AP3D1: variants seen among roughly 807,000 people sequenced by gnomAD.
The protein encoded by AP3D1 is AP-3 complex subunit delta-1.
In AP3D1, 51 loss-of-function variants were observed where a neutral mutation model predicts 147.6. The observed-to-expected ratio is 0.35, with a 90% CI of 0.28 to 0.44. AP3D1 has a LOEUF of 0.44. Ranked by LOEUF, AP3D1 falls within the 20% of genes least tolerant of loss-of-function variation. The probability of loss-of-function intolerance (pLI) is 1.00; values close to 1 mark genes in which losing one functional copy is unlikely to be tolerated. For synonymous variants in AP3D1, 760 were observed against 663.0 expected (o/e 1.15, Z -2.25); for missense variants, 1,421 against 1,624.2 (o/e 0.87, Z 2.15).
intron 4 of AP3D1, among the ~76,000 whole-genome samples, chr19:2,135,571 T>C (rs891768860): frequency 2.0e-5 from 3 of 152,134 alleles, no homozygotes; most frequent in African/African-American, 7.2e-5. Context: ...AATGACACAC[T>C]GGACTGCAAA....
chr19:2,114,001 G>A (rs780526861), intron 22 of AP3D1, 124 bp downstream of exon 22: 2 of 1,447,236 alleles, frequency 1.4e-6, no homozygotes, highest in Non-Finnish European at 1.8e-6. Context: ...ACAGGGCGAG[G>A]CGGCTGGCAC....
chr19:2,134,960 A>T (rs1599481338), intron 4 of AP3D1, among the ~76,000 whole-genome samples: 1 of 150,970 alleles, frequency 6.6e-6, no homozygotes, highest in East Asian at 2.0e-4. Flanking sequence ...GCACTTGGTG[A>T]GGCTGAGGTG....
At chr19:2,116,089 GC>G in intron 18 of AP3D1, 117 bp downstream of exon 18, 1 of 985,438 alleles carries the variant, frequency 1.0e-6, no homozygotes, top group Non-Finnish European at 1.5e-6. Context: ...TCACCGTGTG[GC>G]CCCAGCTCCA....
intron 1 of AP3D1, among the ~76,000 whole-genome samples, chr19:2,148,671 C>T (rs2019426607): frequency 6.6e-6 from 1 of 152,182 alleles, no homozygotes; most frequent in South Asian, 2.1e-4. Context: ...GGAGACAGAG[C>T]AGGGGGCTCT....
chr19:2,110,282 G>C, intron 27 of AP3D1, 58 bp from the exon 28 acceptor site: 1 of 1,462,418 alleles, frequency 6.8e-7, no homozygotes, highest in East Asian at 2.3e-5. Flanking sequence ...GCATGGGTGG[G>C]GCCTCCAGGT....
At chr19:2,132,407 C>A in intron 5 of AP3D1, 64 bp downstream of exon 5, 1 of 1,460,962 alleles carries the variant, frequency 6.8e-7, no homozygotes, top group Non-Finnish European at 9.5e-7. Context: ...CCCAGGCATG[C>A]CACTTTGACC....
In AP3D1 at chr19:2,138,726, G is replaced by T. The variant is rs1473207726; in HGVS notation, c.97-12C>A. 3.2e-6 allele frequency: 5 copies of T among 1,572,356 alleles called. No homozygotes were observed. The Admixed American group carries it at 6.7e-5, about 21-fold the overall frequency. Reference sequence around the variant, plus strand: ...GATATGTATTTTGCCTATAATGGGGGATAAACACAGAGATTACAAACATCC... The same window carrying T: ...GATATGTATTTTGCCTATAATGGGGTATAAACACAGAGATTACAAACATCC... On this transcript the variant is annotated splice_polypyrimidine_tract_variant and intron_variant, in intron 1 of 31. Coordinates refer to ENST00000643116, the MANE Select transcript of AP3D1 (RefSeq NM_001261826.3).
intron 10 of AP3D1, among the ~76,000 whole-genome samples, 170 bp from the exon 11 acceptor site, chr19:2,123,576 A>T (rs1426118546): frequency 6.6e-6 from 1 of 152,152 alleles, no homozygotes; most frequent in Non-Finnish European, 1.5e-5. Context: ...ACTGGAGACA[A>T]GGGAGGCCCT....
chr19:2,120,983 A>G lies in AP3D1; in HGVS notation c.1360T>C (p.Phe454Leu). The G allele has an allele frequency of 6.2e-7, 1 of 1,612,276 alleles. No individual in the cohort carries two copies. The highest frequency in any genetic ancestry group is 8.5e-7 in the Non-Finnish European group (1 of 1,179,992). The change falls in exon 14 of 32, where the codon TTC (phenylalanine) becomes CTC (leucine). Residue 454 changes from phenylalanine (F) to leucine (L), a missense_variant. By Grantham distance (22) the Phe-to-Leu change is conservative. Transcript: ENST00000643116. ...AGCGCAGACATCTGGGACACGGCGA[A>G]CTTGCGGATGGCCTTCACGCGGATG... ...VAIRVKAIRK[F>L]AVSQMSALLD...
Position 2,102,271 on chromosome 19 carries a change from G to A in AP3D1, c.3553-3C>T, listed in dbSNP as rs905813702. The A allele has an allele frequency of 6.2e-7, 1 of 1,610,174 alleles. No individual in the cohort carries two copies. Among genetic ancestry groups the A allele is most frequent in the South Asian group, 1.1e-5 (1 of 91,012 alleles). On this transcript the variant is annotated splice_polypyrimidine_tract_variant and splice_region_variant and intron_variant, in intron 31 of 31. Transcript: ENST00000643116. ...TCGACTGAGACAGAGTTCTCACCCTGTGTAAGGAAAAAAGATGGATATTTT... is the reference window on the plus strand; with the variant it reads ...TCGACTGAGACAGAGTTCTCACCCTATGTAAGGAAAAAAGATGGATATTTT...
intron 1 of AP3D1, among the ~76,000 whole-genome samples, chr19:2,148,146 C>CAAA (rs5826756): frequency 1.0e-5 from 1 of 98,138 alleles, no homozygotes; most frequent in African/African-American, 4.2e-5. Context: ...GACTCCGTCT[C>CAAA]AAAAAAAAAA....
chr19:2,146,229 C>G (rs1568308251), intron 1 of AP3D1, among the ~76,000 whole-genome samples: 2 of 152,204 alleles, frequency 1.3e-5, no homozygotes, highest in African/African-American at 4.8e-5. Flanking sequence ...GCCTATGGTT[C>G]AGGGACACAA....
chr19:2,123,485 C>T, intron 10 of AP3D1, 79 bp from the exon 11 acceptor site: 1 of 1,483,756 alleles, frequency 6.7e-7, no homozygotes, highest in Non-Finnish European at 9.3e-7. Flanking sequence ...CAGATTCAAC[C>T]TCAACCTGGC....
intron 4 of AP3D1, among the ~76,000 whole-genome samples, chr19:2,135,184 G>A (rs1292698465): frequency 1.3e-5 from 2 of 152,016 alleles, no homozygotes; most frequent in Non-Finnish European, 2.9e-5. Flanking sequence ...CTGGACGACA[G>A]AGCAAGACTC....
At chr19:2,129,937 C>G (rs1169849853) in intron 6 of AP3D1, among the ~76,000 whole-genome samples, 1 of 152,232 alleles carries the variant, frequency 6.6e-6, no homozygotes, top group Non-Finnish European at 1.5e-5. Flanking sequence ...TTGGGGTCCA[C>G]CGACCCACGC....
intron 2 of AP3D1, among the ~76,000 whole-genome samples, chr19:2,138,170 C>T (rs919159170): frequency 1.2e-4 from 18 of 152,186 alleles, no homozygotes; most frequent in African/African-American, 4.3e-4. Context: ...CCCTTTGTCT[C>T]GTCCTCCCAC....
chr19:2,149,610 C>T (rs1364444861), intron 1 of AP3D1, among the ~76,000 whole-genome samples: 3 of 151,558 alleles, frequency 2.0e-5, no homozygotes, highest in Non-Finnish European at 4.4e-5. Context: ...GTGGGGAAGG[C>T]GCTATCAACT....
chr19:2,119,306 C>G (rs1039008724), intron 14 of AP3D1, among the ~76,000 whole-genome samples: 1 of 152,188 alleles, frequency 6.6e-6, no homozygotes, highest in Non-Finnish European at 1.5e-5. Context: ...CGCCTATAAT[C>G]CCAGCACTCT....
chr19:2,141,130 A>G (rs2019209364), intron 1 of AP3D1, among the ~76,000 whole-genome samples: 2 of 152,182 alleles, frequency 1.3e-5, no homozygotes, highest in South Asian at 2.1e-4. Flanking sequence ...TATTATAAAC[A>G]TAGATGTAAA....
Sources: gnomAD v4.1 joint callset for allele counts (sites outside exome capture counted in the v4.1 genomes callset) on GRCh38, gnomAD v4.1.1 for gene constraint, MANE v1.5 for transcripts, NCBI Gene and HGNC (gene_info 2026-07-23, HGNC 2026-07-21) for gene names.